Variants in AUTS2 observed in about 807,000 individuals in gnomAD.
The protein encoded by AUTS2 is autism susceptibility gene 2 protein.
Under a neutral mutation model 112.4 loss-of-function variants are expected in AUTS2, and 17 were observed. That is an observed-to-expected ratio of 0.15 (90% CI 0.10 to 0.23). AUTS2 has a LOEUF of 0.23. AUTS2 is among the 10% of genes least tolerant of loss of function. The pLI is 1.00. For synonymous variants in AUTS2, 751 were observed against 702.7 expected, an observed-to-expected ratio of 1.07 and a Z score of -1.09; for missense variants, 1,510 against 1,701.6, an observed-to-expected ratio of 0.89 and a Z score of 1.98.
intron 5 of AUTS2, among the ~76,000 whole-genome samples, chr7:70,446,906 G>A (rs780484821): frequency 8.5e-5 from 13 of 152,140 alleles, no homozygotes; most frequent in Admixed American, 2.6e-4. Flanking sequence ...GTCTCTATAC[G>A]TCCCGGACTG....
At chr7:69,785,286 A>AGAC (rs1449003724) in intron 1 of AUTS2, among the ~76,000 whole-genome samples, 1 of 152,236 alleles carries the variant, frequency 6.6e-6, no homozygotes, top group Non-Finnish European at 1.5e-5. Context: ...CTGGATATTC[A>AGAC]GACTCACATA....
chr7:70,624,909 T>C (rs989130100), intron 5 of AUTS2, among the ~76,000 whole-genome samples: 6 of 152,146 alleles, frequency 3.9e-5, no homozygotes, highest in African/African-American at 1.4e-4. Context: ...GGTTTTTTTC[T>C]CTGCCAGTGA....
chr7:70,458,195 A>C (rs1796822487), intron 5 of AUTS2, among the ~76,000 whole-genome samples: 3 of 152,172 alleles, frequency 2.0e-5, no homozygotes. Context: ...GGCCCACAGC[A>C]ATGCTCCAAT....
rs888353165 is a variant in AUTS2, at chr7:70,347,903, G to T, written c.661-87849G>T. ...TCCTTAAACCACTCTCTGCTCTGCT[G>T]GCTTATGTCATCCTCCTGCTCCTTT... On this transcript the variant is annotated intron_variant, in intron 4 of 18. Coordinates refer to ENST00000342771, the MANE Select transcript of AUTS2 (RefSeq NM_015570.4). 2.0e-5 allele frequency among the ~76,000 whole-genome samples: 3 copies of T among 152,122 alleles called. No homozygotes were observed. The South Asian group carries it at 6.2e-4, about 32-fold the overall frequency.
chr7:70,215,897 C>G (rs1369495825), intron 4 of AUTS2, among the ~76,000 whole-genome samples: 1 of 152,152 alleles, frequency 6.6e-6, no homozygotes, highest in Non-Finnish European at 1.5e-5. Flanking sequence ...TTTAGTAATA[C>G]AATTTGGCTT....
chr7:69,855,186 C>T (rs967524613), intron 1 of AUTS2, among the ~76,000 whole-genome samples: 1 of 152,188 alleles, frequency 6.6e-6, no homozygotes, highest in Non-Finnish European at 1.5e-5. Context: ...TGGACCTAGT[C>T]TGTGTAAAAT....
intron 4 of AUTS2, among the ~76,000 whole-genome samples, chr7:70,284,232 A>G (rs1584972547): frequency 2.6e-5 from 4 of 152,348 alleles, no homozygotes; most frequent in Admixed American, 2.6e-4. Flanking sequence ...TAGTGACTGC[A>G]TATTATATCA....
chr7:70,493,366 G>C (rs918035587), intron 5 of AUTS2, among the ~76,000 whole-genome samples: 1 of 152,240 alleles, frequency 6.6e-6, no homozygotes, highest in African/African-American at 2.4e-5. Context: ...GGAGCAGCTG[G>C]ATGGCTGATG....
intron 4 of AUTS2, among the ~76,000 whole-genome samples, chr7:70,424,421 A>G (rs746231403): frequency 1.3e-5 from 2 of 152,130 alleles, no homozygotes; most frequent in African/African-American, 2.4e-5. Flanking sequence ...GGTACGTTAT[A>G]CTGGCTAAGA....
intron 2 of AUTS2, among the ~76,000 whole-genome samples, chr7:69,987,676 C>T (rs10215914): frequency 0.11 from 16,035 of 152,060 alleles, 1,269 homozygotes; most frequent in African/African-American, 0.22. Flanking sequence ...TGTGATGTTG[C>T]CCATGCTGGT....
intron 4 of AUTS2, among the ~76,000 whole-genome samples, chr7:70,313,790 G>C (rs572219267): frequency 2.0e-5 from 3 of 152,288 alleles, no homozygotes; most frequent in Admixed American, 2.0e-4. Context: ...ATTTCTACCA[G>C]CCTCACGAAC....
chr7:70,424,709 C>T (rs1024362646), intron 4 of AUTS2, among the ~76,000 whole-genome samples: 26 of 152,236 alleles, frequency 1.7e-4, no homozygotes, highest in South Asian at 8.3e-4. Context: ...ACATCAGCCT[C>T]CCAGGTAGCT....
At chr7:70,754,413 C>T (rs1468878245) in intron 6 of AUTS2, among the ~76,000 whole-genome samples, 3 of 152,014 alleles carry the variant, frequency 2.0e-5, no homozygotes, top group Non-Finnish European at 2.9e-5. Context: ...CATTTGAGTC[C>T]GGGGAGTCAA....
At chr7:69,961,695 A>C (rs529708929) in intron 2 of AUTS2, among the ~76,000 whole-genome samples, 14 of 152,150 alleles carry the variant, frequency 9.2e-5, no homozygotes, top group South Asian at 2.1e-4. Context: ...ATATTTCTAT[A>C]ATAGAAAAAT....
intron 5 of AUTS2, among the ~76,000 whole-genome samples, chr7:70,593,277 G>C (rs1179529104): frequency 1.3e-5 from 2 of 152,206 alleles, no homozygotes; most frequent in African/African-American, 4.8e-5. Context: ...TTAGAATAAT[G>C]CTTCGTGCTG....
chr7:70,447,005 C>G (rs566302703), intron 5 of AUTS2, among the ~76,000 whole-genome samples: 1 of 152,190 alleles, frequency 6.6e-6, no homozygotes, highest in African/African-American at 2.4e-5. Context: ...ACTTCAGCCC[C>G]CAGGGTGGAT....
chr7:69,919,123 A>G (rs1352583841), intron 2 of AUTS2, among the ~76,000 whole-genome samples: 1 of 152,218 alleles, frequency 6.6e-6, no homozygotes. Flanking sequence ...GACAAGGTAT[A>G]AAATTGACTG....
intron 2 of AUTS2, among the ~76,000 whole-genome samples, chr7:70,046,043 A>T (rs1031668081): frequency 6.6e-6 from 1 of 152,168 alleles, no homozygotes; most frequent in Non-Finnish European, 1.5e-5. Flanking sequence ...GGAATATTCT[A>T]TGCTTCCTGA....
At chr7:69,895,546 C>CCA (rs979898901) in intron 1 of AUTS2, among the ~76,000 whole-genome samples, 1 of 142,992 alleles carries the variant, frequency 7.0e-6, no homozygotes, top group South Asian at 2.5e-4. Flanking sequence ...CTCTTCTTCC[C>CCA]CCCCCCCGAG....
Sources: allele counts gnomAD v4.1 joint callset (sites outside exome capture counted in the v4.1 genomes callset), GRCh38; gene constraint gnomAD v4.1.1; transcripts MANE v1.5; gene names NCBI Gene and HGNC (gene_info 2026-07-23, HGNC 2026-07-21).